NBPF26: variants seen among roughly 807,000 people sequenced by gnomAD.
NBPF26 encodes the protein NBPF family member NBPF26.
In NBPF26, 79 loss-of-function variants were observed where a neutral mutation model predicts 119.6. That is an observed-to-expected ratio of 0.66 (90% confidence interval 0.55 to 0.80). The LOEUF is 0.80. NBPF26 is among the 30% of genes least tolerant of loss of function. NBPF26 has a pLI of 0.00. For missense variants in NBPF26, 800 were observed against 1,198.2 expected (o/e 0.67, Z 4.91); for synonymous variants, 299 against 457.7 (o/e 0.65, Z 4.43).
rs1188131403 is a variant in NBPF26 at position 120,823,606 on chromosome 1, C to A, written c.2639+246C>A. On this transcript the variant is annotated intron_variant, in intron 17 of 29. Transcript: ENST00000620612. ...AAAAGCTGTATTCTCATGGTAACTG[C>A]AGGGAAACTTGACCACATTTTACGC... Among the ~76,000 whole-genome samples, 4 of 124,048 alleles carry A rather than the reference C, an allele frequency of 3.2e-5. 1 individual carries two copies. Among genetic ancestry groups the A allele is most frequent in the African/African-American group, 7.7e-5 (2 of 25,826 alleles). The allele number at this position is 124,048 out of a possible 152,430, so 81.4% of individuals were successfully genotyped here.
chr1:120,765,908 C>A (rs1651185934), intron 2 of NBPF26, among the ~76,000 whole-genome samples: 1 of 98,886 alleles, frequency 1.0e-5, no homozygotes, highest in African/African-American at 6.6e-5. Flanking sequence ...CATGTTCTCA[C>A]TCATAAGTGG....
At chr1:120,815,564 C>G (rs1553271664) in intron 12 of NBPF26, among the ~76,000 whole-genome samples, 1 of 97,070 alleles carries the variant, frequency 1.0e-5, no homozygotes, top group South Asian at 3.0e-4. Flanking sequence ...GGAGAAGGCA[C>G]TTTATGTGGG....
intron 27 of NBPF26, among the ~76,000 whole-genome samples, chr1:120,838,494 C>CTA: frequency 2.5e-5 from 2 of 78,546 alleles, no homozygotes; most frequent in Admixed American, 1.5e-4. Context: ...AGCTCGTTCT[C>CTA]TCTCTCTCTC....
rs1389020347 is a variant in NBPF26 at position 120,737,751 on chromosome 1, G to A, written c.73+13501G>A. Among the ~76,000 whole-genome samples, 11 of 125,744 alleles carry A rather than the reference G, an allele frequency of 8.7e-5. 1 individual carries two copies. The highest frequency in any genetic ancestry group is 2.0e-4 in the East Asian group (1 of 5,056). 82.5% of individuals were successfully genotyped at this position (125,744 alleles called of 152,430 possible). ...TCATTAGTGATTCAGAATTGGATTA[G>A]CCTGGACTGGTGGAGTTACTTTCTC... On this transcript the variant is annotated intron_variant, in intron 1 of 29. Coordinates refer to ENST00000620612, the Ensembl canonical transcript of NBPF26.
At chr1:120,784,222 T>C (rs1651397222) in intron 2 of NBPF26, among the ~76,000 whole-genome samples, 1 of 118,806 alleles carries the variant, frequency 8.4e-6, no homozygotes, top group African/African-American at 4.8e-5. Context: ...ACTTTATTAA[T>C]ACAGTAGGTC....
chr1:120,752,550 ATATATTTTTT>A (rs1243316531), intron 1 of NBPF26, among the ~76,000 whole-genome samples: 3 of 9,864 alleles, frequency 3.0e-4, no homozygotes, highest in African/African-American at 1.2e-3. Flanking sequence ...ATATATATAT[ATATATTTTTT>A]TTTTTTTTTT....
At chr1:120,785,294 C>A in intron 3 of NBPF26, 61 bp downstream of exon 3, 1 of 1,328,184 alleles carries the variant, frequency 7.5e-7, no homozygotes, top group Non-Finnish European at 1.0e-6. Flanking sequence ...TATTTAGCAT[C>A]TTTTAGATCA....
chr1:120,823,543 T>C (rs1482873782), intron 17 of NBPF26, among the ~76,000 whole-genome samples, 183 bp downstream of exon 17: 1 of 115,436 alleles, frequency 8.7e-6, no homozygotes, highest in African/African-American at 5.0e-5. Context: ...CTTCCTACCC[T>C]TATCATTTAC....
intron 2 of NBPF26, among the ~76,000 whole-genome samples, chr1:120,778,459 C>G (rs1277360240): frequency 9.0e-6 from 1 of 110,958 alleles, no homozygotes; most frequent in Non-Finnish European, 1.7e-5. Flanking sequence ...CTTTTTTTTC[C>G]CCTTCGTTCC....
intron 13 of NBPF26, among the ~76,000 whole-genome samples, 153 bp downstream of exon 13, chr1:120,816,310 T>C (rs1480985071): frequency 1.8e-4 from 19 of 106,028 alleles, no homozygotes; most frequent in African/African-American, 4.1e-4. Flanking sequence ...CAGGGTGCGG[T>C]AGCTGTCATG....
Position 120,811,066 on chromosome 1 carries a change from C to A in NBPF26, c.1564+508C>A, listed in dbSNP as rs1651849513. Among the ~76,000 whole-genome samples, 2 of 98,020 alleles carry A rather than the reference C, an allele frequency of 2.0e-5. 1 individual carries two copies. Among genetic ancestry groups the A allele is most frequent in the Non-Finnish European group, 3.8e-5 (2 of 52,722 alleles). The allele number at this position is 98,020 out of a possible 152,430, so 64.3% of individuals were successfully genotyped here. On this transcript the variant is annotated intron_variant, in intron 9 of 29. Coordinates refer to ENST00000620612, the Ensembl canonical transcript of NBPF26. ...CCATCCTGGCTAACACGGTGAAACC[C>A]CGTCTTTACTAAAAATACAAAAAAA...
rs1162009998 is a variant in NBPF26, at chr1:120,724,594, T to C, written c.73+344T>C. 1.7e-5 allele frequency among the ~76,000 whole-genome samples: 2 copies of C among 117,100 alleles called. 1 individual carries two copies. The highest frequency in any genetic ancestry group is 9.0e-5 in the African/African-American group (2 of 22,138). 76.8% of individuals were successfully genotyped at this position (117,100 alleles called of 152,430 possible). On this transcript the variant is annotated intron_variant, in intron 1 of 29. Transcript: ENST00000620612. ...TTTGCCCTTCAGGTTCCGCGTTTCT[T>C]GGGGTCGAGCGAGAGCCGACGGCGG...
chr1:120,808,447 TCTC>T (rs2101498118), intron 6 of NBPF26, 95 bp from the exon 7 acceptor site: 1 of 1,087,224 alleles, frequency 9.2e-7, no homozygotes, highest in South Asian at 1.3e-5. Context: ...TGTTTCAAGG[TCTC>T]CTTGAGGACA....
At chr1:120,814,609 G>A (rs1651963506) in intron 11 of NBPF26, among the ~76,000 whole-genome samples, 2 of 123,234 alleles carry the variant, frequency 1.6e-5, no homozygotes, top group Non-Finnish European at 3.3e-5. Context: ...AAGATGAATG[G>A]AACATCATCG....
chr1:120,809,837 G>A (rs1651814080), exon 8 of NBPF26: 1 of 1,505,244 alleles, frequency 6.6e-7, no homozygotes, highest in African/African-American at 1.9e-5. Context: ...GGATGAAGAT[G>A]TTCAAGTTGA....
chr1:120,726,851 G>A (rs1208947407), intron 1 of NBPF26, among the ~76,000 whole-genome samples: 1 of 111,908 alleles, frequency 8.9e-6, no homozygotes, highest in Non-Finnish European at 1.7e-5. Flanking sequence ...AACTTCTTGG[G>A]ATCTCTCTGC....
chr1:120,823,558 C>A (rs1207320824), intron 17 of NBPF26, among the ~76,000 whole-genome samples, 198 bp downstream of exon 17: 2 of 115,884 alleles, frequency 1.7e-5, no homozygotes, highest in East Asian at 2.1e-4. Flanking sequence ...ATTTACTAAC[C>A]TAGTGAAAGT....
intron 2 of NBPF26, among the ~76,000 whole-genome samples, chr1:120,777,504 C>T (rs1437088237): frequency 2.7e-5 from 3 of 111,488 alleles, no homozygotes; most frequent in Non-Finnish European, 5.1e-5. Context: ...TCTTCACATA[C>T]AACTAGTAAG....
In NBPF26 at chr1:120,789,525, T is replaced by G. The variant is rs1302302179; in HGVS notation, c.416-3636T>G. On this transcript the variant is annotated intron_variant, in intron 3 of 29. Coordinates refer to ENST00000620612, the Ensembl canonical transcript of NBPF26. Reference sequence around the variant, plus strand: ...CAGAACCCCTGAGGAACCCATCAGATCTCATGAGACTTATTCACTATCATG... The same window carrying G: ...CAGAACCCCTGAGGAACCCATCAGAGCTCATGAGACTTATTCACTATCATG... 3.7e-4 allele frequency among the ~76,000 whole-genome samples: 41 copies of G among 111,190 alleles called. 16 individuals carry two copies. Among genetic ancestry groups the G allele is most frequent in the African/African-American group, 2.1e-3 (38 of 18,016 alleles). The allele number at this position is 111,190 out of a possible 152,430, so 72.9% of individuals were successfully genotyped here. A position where few individuals can be genotyped will look rare whatever the true frequency, so the allele number is the denominator to read the frequency against.
Sources: allele counts gnomAD v4.1 joint callset (sites outside exome capture counted in the v4.1 genomes callset), GRCh38; gene constraint gnomAD v4.1.1; transcripts MANE v1.5; gene names NCBI Gene and HGNC (gene_info 2026-07-23, HGNC 2026-07-21).